The following ADGRL2 variants were observed in gnomAD, a reference collection of about 807,000 sequenced individuals.
The protein encoded by ADGRL2 is adhesion G protein-coupled receptor L2.
Under a neutral mutation model 157.4 loss-of-function variants are expected in ADGRL2, and 44 were observed. The ratio of observed to expected loss-of-function variants is 0.28; its 90% CI spans 0.22 to 0.36. The LOEUF is 0.36. Ranked by LOEUF, ADGRL2 falls within the 10% of genes least tolerant of loss-of-function variation. ADGRL2 has a pLI of 1.00. For synonymous variants in ADGRL2, 585 were observed against 624.7 expected (o/e 0.94, Z 0.95); for missense variants, 1,510 against 1,768.9 (o/e 0.85, Z 2.63).
At chr1:81,440,486 T>C (rs749059825) in intron 1 of ADGRL2, among the ~76,000 whole-genome samples, 6 of 152,196 alleles carry the variant, frequency 3.9e-5, no homozygotes, top group African/African-American at 1.4e-4. Context: ...CCCACCCATA[T>C]GGAGACTCTC....
chr1:81,527,651 G>T (rs1343695790), intron 2 of ADGRL2, among the ~76,000 whole-genome samples: 1 of 151,960 alleles, frequency 6.6e-6, no homozygotes, highest in East Asian at 1.9e-4. Flanking sequence ...GGCGGAGGTT[G>T]CAGTGAGCCA....
chr1:81,903,715 T>G (rs1419546770), intron 2 of ADGRL2, among the ~76,000 whole-genome samples: 5 of 145,168 alleles, frequency 3.4e-5, no homozygotes, highest in Admixed American at 2.8e-4. Context: ...TATATATTCA[T>G]TATATATATA....
intron 2 of ADGRL2, among the ~76,000 whole-genome samples, chr1:81,840,300 G>A (rs1015018213): frequency 6.6e-6 from 1 of 152,016 alleles, no homozygotes; most frequent in Non-Finnish European, 1.5e-5. Context: ...AAAAACAAGC[G>A]TGTATACCAT....
intron 1 of ADGRL2, among the ~76,000 whole-genome samples, chr1:81,416,862 T>C (rs953445407): frequency 6.6e-6 from 1 of 152,184 alleles, no homozygotes; most frequent in Admixed American, 6.5e-5. Flanking sequence ...TTAAGAAGCA[T>C]CTTTGATTAT....
intron 2 of ADGRL2, among the ~76,000 whole-genome samples, chr1:81,846,771 A>G (rs1314947289): frequency 3.3e-5 from 5 of 151,982 alleles, no homozygotes; most frequent in African/African-American, 1.2e-4. Context: ...AGCTTTGGTT[A>G]GAGACAATAT....
chr1:81,424,657 A>G (rs1012405749), intron 1 of ADGRL2, among the ~76,000 whole-genome samples: 6 of 152,228 alleles, frequency 3.9e-5, no homozygotes, highest in Non-Finnish European at 5.9e-5. Context: ...AATCTTCATG[A>G]TAGACAATCC....
At chr1:81,926,878 C>G (rs1170822146) in intron 3 of ADGRL2, among the ~76,000 whole-genome samples, 1 of 151,860 alleles carries the variant, frequency 6.6e-6, no homozygotes, top group Non-Finnish European at 1.5e-5. Flanking sequence ...GTGAGTCAAG[C>G]CTAATTTGCA....
chr1:81,562,815 T>C (rs112762151), intron 2 of ADGRL2, among the ~76,000 whole-genome samples: 2 of 152,116 alleles, frequency 1.3e-5, no homozygotes, highest in Non-Finnish European at 2.9e-5. Flanking sequence ...AATTTCTAAA[T>C]CCAAGGGATT....
At chr1:81,521,057 AC>A (rs1201156723) in intron 2 of ADGRL2, among the ~76,000 whole-genome samples, 6 of 152,212 alleles carry the variant, frequency 3.9e-5, no homozygotes, top group Non-Finnish European at 8.8e-5. Context: ...ATTGGATAGA[AC>A]TGCTAGCTGC....
chr1:81,689,906 C>T (rs191095403), intron 3 of ADGRL2, among the ~76,000 whole-genome samples: 1 of 152,196 alleles, frequency 6.6e-6, no homozygotes, highest in African/African-American at 2.4e-5. Flanking sequence ...CTCATTTTCA[C>T]TGACCAGACC....
chr1:81,484,897 G>A (rs1246291864), intron 2 of ADGRL2, among the ~76,000 whole-genome samples: 3 of 152,102 alleles, frequency 2.0e-5, no homozygotes, highest in Non-Finnish European at 2.9e-5. Flanking sequence ...GCAAATGAGA[G>A]ATTCTACCCA....
At chr1:81,807,617 A>G (rs1034284873) in intron 1 of ADGRL2, among the ~76,000 whole-genome samples, 1 of 151,988 alleles carries the variant, frequency 6.6e-6, no homozygotes, top group African/African-American at 2.4e-5. Flanking sequence ...GGAATTAGGG[A>G]ATTATAATCC....
chr1:81,624,866 G>A (rs957622602), intron 3 of ADGRL2, among the ~76,000 whole-genome samples: 2 of 152,158 alleles, frequency 1.3e-5, no homozygotes, highest in Non-Finnish European at 2.9e-5. Context: ...GAGGCTGAAT[G>A]AGACAAGCAT....
intron 3 of ADGRL2, among the ~76,000 whole-genome samples, chr1:81,624,206 C>A (rs190568798): frequency 6.6e-6 from 1 of 152,084 alleles, no homozygotes; most frequent in Non-Finnish European, 1.5e-5. Flanking sequence ...TTTAAGCTGC[C>A]CAGTTTGTGG....
chr1:81,408,641 G>A lies in ADGRL2; in HGVS notation c.-301-36395G>A, dbSNP rs924658568. On this transcript the variant is annotated intron_variant, in intron 1 of 24. Transcript: ENST00000370721. ...GCTGCTGAAAGACCCTTGTTCACTC[G>A]TGCATAAAATATAACTGCCCCCAAG... 3.9e-5 allele frequency among the ~76,000 whole-genome samples: 6 copies of A among 152,164 alleles called. No homozygotes were observed. The South Asian group carries it at 6.2e-4, about 16-fold the overall frequency.
intron 3 of ADGRL2, among the ~76,000 whole-genome samples, chr1:81,690,845 T>A (rs2083317242): frequency 6.6e-6 from 1 of 152,220 alleles, no homozygotes; most frequent in African/African-American, 2.4e-5. Context: ...ACATTCAGAA[T>A]ACGACTTCAA....
At chr1:81,331,187 G>A (rs1439528680) in intron 1 of ADGRL2, among the ~76,000 whole-genome samples, 6 of 152,148 alleles carry the variant, frequency 3.9e-5, no homozygotes, top group Admixed American at 2.6e-4. Flanking sequence ...TACTCATACC[G>A]TGTGTAATTG....
At chr1:81,902,998 C>A (rs1034801919) in intron 2 of ADGRL2, among the ~76,000 whole-genome samples, 2 of 152,166 alleles carry the variant, frequency 1.3e-5, no homozygotes, top group African/African-American at 4.8e-5. Flanking sequence ...AATTATCGAT[C>A]ACTTGAAATG....
At chr1:81,911,632 C>T (rs145202651) in intron 3 of ADGRL2, among the ~76,000 whole-genome samples, 242 of 152,178 alleles carry the variant, frequency 1.6e-3, no homozygotes, top group African/African-American at 5.7e-3. Context: ...AGCACTTTGG[C>T]CTAGAGATCT....
Sources: allele counts gnomAD v4.1 joint callset (sites outside exome capture counted in the v4.1 genomes callset), GRCh38; gene constraint gnomAD v4.1.1; transcripts MANE v1.5; gene names NCBI Gene and HGNC (gene_info 2026-07-23, HGNC 2026-07-21).